AGMO: variants seen among roughly 807,000 people sequenced by gnomAD.
AGMO encodes the protein alkylglycerol monooxygenase.
In AGMO, 75 loss-of-function variants were observed where a neutral mutation model predicts 60.2. The observed-to-expected ratio is 1.25, with a 90% CI of 1.03 to 1.51. AGMO has a LOEUF of 1.51. Ranked by LOEUF, AGMO falls within the 40% of genes most tolerant of loss-of-function variation. The pLI, the probability that AGMO is intolerant of heterozygous loss-of-function variation, is 0.00. For synonymous variants in AGMO, 261 were observed against 177.1 expected (o/e 1.47, Z -3.76); for missense variants, 763 against 525.5 (o/e 1.45, Z -4.42).
rs577987590 is a variant in AGMO, at chr7:15,531,537, C to G, written c.409+13235G>C. Among the ~76,000 whole-genome samples, 68 of 27,804 alleles carry G rather than the reference C, an allele frequency of 2.4e-3. 3 individuals carry two copies. The highest frequency in any genetic ancestry group is 5.1e-3 in the Admixed American group (8 of 1,556). 18.2% of individuals were successfully genotyped at this position (27,804 alleles called of 152,430 possible). On this transcript the variant is annotated intron_variant, in intron 3 of 12. Coordinates refer to ENST00000342526, the MANE Select transcript of AGMO (RefSeq NM_001004320.2). ...TCTATATATATTCTATATATATTCT[C>G]TATATATATTCTATATATATATTCT...
At chr7:15,163,539 G>T in the AGMO span, among the ~76,000 whole-genome samples, 1 of 152,048 alleles carries the variant, frequency 6.6e-6, no homozygotes, top group Non-Finnish European at 1.5e-5. Flanking sequence ...AGGGATGTTA[G>T]ATTTTATAGA....
At chr7:15,260,212 GAAAAAAA>G (rs753533328) in intron 12 of AGMO, among the ~76,000 whole-genome samples, 4 of 109,968 alleles carry the variant, frequency 3.6e-5, no homozygotes, top group South Asian at 5.9e-4. Context: ...ACAGAGCGAG[GAAAAAAA>G]AAAAAAAAAA....
chr7:15,170,363 GTTGT>G, the AGMO span, among the ~76,000 whole-genome samples: 55,867 of 151,664 alleles, frequency 0.37, 11,648 homozygotes, highest in East Asian at 0.71. Context: ...AAATTTTGTA[GTTGT>G]TTATTTTTAT....
chr7:15,497,371 T>C (rs1783260640), intron 3 of AGMO, among the ~76,000 whole-genome samples: 1 of 152,164 alleles, frequency 6.6e-6, no homozygotes, highest in Non-Finnish European at 1.5e-5. Flanking sequence ...TTTCTTCCTA[T>C]AATAAAGATA....
intron 12 of AGMO, among the ~76,000 whole-genome samples, chr7:15,326,342 T>C (rs1781338920): frequency 6.6e-6 from 1 of 152,164 alleles, no homozygotes; most frequent in East Asian, 1.9e-4. Context: ...TAAGGGATGA[T>C]AGGTGTTTTT....
chr7:15,288,735 A>C (rs1365702650), intron 12 of AGMO, among the ~76,000 whole-genome samples: 1 of 151,664 alleles, frequency 6.6e-6, no homozygotes, highest in Non-Finnish European at 1.5e-5. Context: ...AATGTGTTAT[A>C]GCAATAGATT....
At chr7:15,153,114 T>C in the AGMO span, among the ~76,000 whole-genome samples, 42 of 152,336 alleles carry the variant, frequency 2.8e-4, no homozygotes, top group African/African-American at 9.9e-4. Context: ...TCCATATGTT[T>C]GTTGGCCCCT....
At chr7:15,314,668 G>C (rs541777077) in intron 12 of AGMO, among the ~76,000 whole-genome samples, 1 of 152,090 alleles carries the variant, frequency 6.6e-6, no homozygotes, top group East Asian at 1.9e-4. Context: ...ATAGTGATGT[G>C]GGTAGGGCCT....
intron 2 of AGMO, among the ~76,000 whole-genome samples, chr7:15,558,479 A>G (rs1416509490): frequency 2.0e-5 from 3 of 152,018 alleles, no homozygotes; most frequent in Admixed American, 1.3e-4. Context: ...CTACATCTAA[A>G]TCTATATACC....
At chr7:15,298,230 TAAG>T (rs1784459231) in intron 12 of AGMO, among the ~76,000 whole-genome samples, 2 of 152,174 alleles carry the variant, frequency 1.3e-5, no homozygotes, top group African/African-American at 2.4e-5. Context: ...AAAAATGCAG[TAAG>T]AATATTTAAT....
chr7:15,205,242 T>TG (rs368798461), intron 12 of AGMO, among the ~76,000 whole-genome samples: 117 of 152,314 alleles, frequency 7.7e-4, no homozygotes, highest in African/African-American at 2.6e-3. Context: ...CTTTGTGCAG[T>TG]GGAAAGTTCC....
chr7:15,389,704 C>G (rs1472462711), intron 8 of AGMO, among the ~76,000 whole-genome samples: 6 of 152,152 alleles, frequency 3.9e-5, no homozygotes, highest in Non-Finnish European at 7.3e-5. Context: ...TTACAGCTAA[C>G]AAGTTTTCAA....
At chr7:15,539,989 C>A (rs1489917168) in intron 3 of AGMO, among the ~76,000 whole-genome samples, 3 of 151,962 alleles carry the variant, frequency 2.0e-5, no homozygotes, top group Non-Finnish European at 4.4e-5. Context: ...GAGACAGAAA[C>A]CACATTAGTA....
At chr7:15,148,298 T>C in the AGMO span, among the ~76,000 whole-genome samples, 1 of 152,122 alleles carries the variant, frequency 6.6e-6, no homozygotes, top group Non-Finnish European at 1.5e-5. Context: ...TTTGTGGACA[T>C]AGAGTTCTAG....
intron 12 of AGMO, among the ~76,000 whole-genome samples, chr7:15,245,361 G>T (rs921792787): frequency 6.6e-6 from 1 of 152,112 alleles, no homozygotes; most frequent in Non-Finnish European, 1.5e-5. Flanking sequence ...AAATGCTAAG[G>T]ATAGTCTAAA....
At chr7:15,233,447 G>A (rs1782318822) in intron 12 of AGMO, among the ~76,000 whole-genome samples, 1 of 152,082 alleles carries the variant, frequency 6.6e-6, no homozygotes, top group Non-Finnish European at 1.5e-5. Context: ...GGAGGGATTC[G>A]AATACGGAGA....
intron 3 of AGMO, among the ~76,000 whole-genome samples, chr7:15,442,725 GC>G (rs1485996253): frequency 1.3e-5 from 2 of 152,022 alleles, no homozygotes; most frequent in Non-Finnish European, 2.9e-5. Context: ...AGGCACTCCT[GC>G]CTTCATGCCC....
rs143482208 is a variant in AGMO at position 15,438,854 on chromosome 7, A to G, written c.410-7746T>C. 5.9e-5 allele frequency among the ~76,000 whole-genome samples: 9 copies of G among 152,362 alleles called. No individual in the cohort carries two copies. The South Asian group carries it at 6.2e-4, about 11-fold the overall frequency. ...TATTGCTCAGTGAACTAACTACAAT[A>G]CATCCTCACTATTAATTTGTTGTTA... On this transcript the variant is annotated intron_variant, in intron 3 of 12. Transcript: ENST00000342526.
chr7:15,350,288 T>C (rs1166587674), intron 12 of AGMO, among the ~76,000 whole-genome samples: 1 of 152,148 alleles, frequency 6.6e-6, no homozygotes, highest in East Asian at 1.9e-4. Context: ...AAATTATGTA[T>C]AAATATTGAG....
Sources: allele counts gnomAD v4.1 joint callset (sites outside exome capture counted in the v4.1 genomes callset), GRCh38; gene constraint gnomAD v4.1.1; transcripts MANE v1.5; gene names NCBI Gene and HGNC (gene_info 2026-07-23, HGNC 2026-07-21).